The following AGO2 variants were observed in gnomAD, a reference collection of about 807,000 sequenced individuals.
The protein encoded by AGO2 is protein argonaute-2.
AGO2 carries 5 observed loss-of-function variants against 102.3 expected under a neutral mutation model. The observed-to-expected ratio is 0.05, with a 90% CI of 0.03 to 0.10. The LOEUF is 0.10. AGO2 is among the 10% of genes least tolerant of loss of function. The probability of loss-of-function intolerance (pLI) is 1.00; values close to 1 mark genes in which losing one functional copy is unlikely to be tolerated. For synonymous variants in AGO2, 449 were observed against 473.1 expected (o/e 0.95, Z 0.66); for missense variants, 541 against 1,183.7 (o/e 0.46, Z 7.97).
At chr8:140,566,861 G>A (rs1040973922) in intron 3 of AGO2, among the ~76,000 whole-genome samples, 1 of 152,234 alleles carries the variant, frequency 6.6e-6, no homozygotes, top group African/African-American at 2.4e-5. Flanking sequence ...CGCTGAGAAG[G>A]GAGTGCCATT....
At chr8:140,625,156 C>T (rs2074260185) in intron 1 of AGO2, among the ~76,000 whole-genome samples, 1 of 152,234 alleles carries the variant, frequency 6.6e-6, no homozygotes, top group African/African-American at 2.4e-5. Flanking sequence ...TCAGCCTGCA[C>T]CTGGGCCCTG....
At chr8:140,556,073 T>C (rs1166388614) in intron 9 of AGO2, 55 bp from the exon 10 acceptor site, 3 of 1,611,520 alleles carry the variant, frequency 1.9e-6, no homozygotes, top group Non-Finnish European at 1.7e-6. Flanking sequence ...CCCATCTCTC[T>C]AGCAGCTGCG....
intron 3 of AGO2, among the ~76,000 whole-genome samples, chr8:140,571,522 C>T (rs1284190014): frequency 1.3e-5 from 2 of 152,306 alleles, no homozygotes; most frequent in African/African-American, 4.8e-5. Flanking sequence ...GAAGACTGAA[C>T]GTCTGTAGAG....
chr8:140,599,310 G>A (rs1204713353), intron 1 of AGO2, among the ~76,000 whole-genome samples: 8 of 152,252 alleles, frequency 5.3e-5, no homozygotes, highest in African/African-American at 1.7e-4. Flanking sequence ...GATTATCACC[G>A]GCTCGTTTCA....
chr8:140,598,584 G>A (rs1252517795), intron 1 of AGO2, among the ~76,000 whole-genome samples: 2 of 152,268 alleles, frequency 1.3e-5, no homozygotes, highest in Admixed American at 6.5e-5. Flanking sequence ...CCCCGGAGCC[G>A]CAGCTCTTCC....
intron 16 of AGO2, among the ~76,000 whole-genome samples, chr8:140,537,147 T>A (rs2072712651): frequency 6.6e-6 from 1 of 152,142 alleles, no homozygotes; most frequent in African/African-American, 2.4e-5. Context: ...AATTGTATAA[T>A]GATTTAAAAA....
chr8:140,545,507 G>A (rs955762876), intron 13 of AGO2, among the ~76,000 whole-genome samples: 2 of 152,126 alleles, frequency 1.3e-5, no homozygotes, highest in Non-Finnish European at 2.9e-5. Flanking sequence ...TGTCTGCTAA[G>A]GATTCCTGGA....
At chr8:140,551,174 A>T in intron 11 of AGO2, 129 bp downstream of exon 11, 1 of 1,137,646 alleles carries the variant, frequency 8.8e-7, no homozygotes, top group Non-Finnish European at 1.2e-6. Flanking sequence ...AGGCTGATGA[A>T]CCCTGACATC....
chr8:140,527,097 G>A lies in AGO2; in HGVS notation c.*4947C>T, dbSNP rs1416555034. On this transcript the variant is annotated 3_prime_UTR_variant, in exon 19 of 19. Transcript: ENST00000220592. This position sits in a 1 kb window ranked among gnomAD's most constrained non-coding sequence, Gnocchi z 6.0. ...CATGCTTTGGAGAGCCACGGTAAGC[G>A]ACGAGGAATCAAACAGACCACAACA... 4 of 152,180 alleles carry A rather than the reference G, an allele frequency of 2.6e-5. No homozygotes were observed. The highest frequency in any genetic ancestry group is 3.9e-4 in the East Asian group (2 of 5,182). 9.4% of individuals were successfully genotyped at this position (152,180 alleles called of 1,614,324 possible). A position where few individuals can be genotyped will look rare whatever the true frequency, so the allele number is the denominator to read the frequency against.
Position 140,541,230 on chromosome 8 carries a change from G to A in AGO2, c.1968C>T (p.Ser656=), listed in dbSNP as rs1319090018. 6.2e-7 allele frequency: 1 copy of A among 1,609,380 alleles called. No individual in the cohort carries two copies. Reference sequence around the variant, plus strand: ...TGATGCGGGTGGGCTTGAAGCGCGTGGACTTGTAGAACTGGATGAGGAGCT... The same window carrying A: ...TGATGCGGGTGGGCTTGAAGCGCGTAGACTTGTAGAACTGGATGAGGAGCT... ...VRELLIQFYK[S]TRFKPTRIIF... Residue 656 remains serine, a synonymous_variant, in exon 15 of 19, where the codon TCC becomes TCT. Coordinates refer to ENST00000220592, the MANE Select transcript of AGO2 (RefSeq NM_012154.5).
At chr8:140,543,909 C>T (rs2072845693) in intron 14 of AGO2, among the ~76,000 whole-genome samples, 1 of 152,208 alleles carries the variant, frequency 6.6e-6, no homozygotes, top group South Asian at 2.1e-4. Context: ...TCATCACACC[C>T]TAGGCTACCA....
chr8:140,628,579 A>G (rs1410943435), intron 1 of AGO2, among the ~76,000 whole-genome samples: 2 of 148,424 alleles, frequency 1.3e-5, no homozygotes, highest in Non-Finnish European at 3.0e-5. Context: ...CCAAGGCAGG[A>G]GGATTACTTG....
chr8:140,635,177 C>A (rs1194295403), intron 1 of AGO2, among the ~76,000 whole-genome samples: 1 of 146,282 alleles, frequency 6.8e-6, no homozygotes, highest in South Asian at 2.1e-4. Context: ...GCGGGGGATG[C>A]GAGGACGCTG....
chr8:140,534,372 A>T lies in AGO2; in HGVS notation c.2271+1096T>A, dbSNP rs572656821. On this transcript the variant is annotated intron_variant, in intron 17 of 18. Coordinates refer to ENST00000220592, the MANE Select transcript of AGO2 (RefSeq NM_012154.5). Reference sequence around the variant, plus strand: ...GGTGAGGCTCCCCGACTAGAAGGGAAGACTGAACAGAGGGCACACGCAGGC... The same window carrying T: ...GGTGAGGCTCCCCGACTAGAAGGGATGACTGAACAGAGGGCACACGCAGGC... Among the ~76,000 whole-genome samples the T allele has an allele frequency of 3.9e-5, 6 of 152,342 alleles. 1 individual carries two copies. The South Asian group carries it at 6.2e-4, about 16-fold the overall frequency.
At position 140,628,790 on chromosome 8, in the gene AGO2, CAAT is replaced by C. The variant is rs763416400; in HGVS notation, c.22+6692_22+6694del. Among the ~76,000 whole-genome samples, 7 of 149,222 alleles carry C rather than the reference CAAT, an allele frequency of 4.7e-5. No homozygotes were observed. In the East Asian group the frequency reaches 8.1e-4, roughly 17 times the overall value. Reference sequence around the variant, plus strand: ...AAAATAATAATAGCAGCAACAACAACAATAATAATAATAGGCCGGGCGCGGTGG... The same window carrying C: ...AAAATAATAATAGCAGCAACAACAACAATAATAATAGGCCGGGCGCGGTGG... On this transcript the variant is annotated intron_variant, in intron 1 of 18. Transcript: ENST00000220592.
At chr8:140,533,160 C>T (rs368255051) in intron 17 of AGO2, among the ~76,000 whole-genome samples, 26 of 152,008 alleles carry the variant, frequency 1.7e-4, no homozygotes, top group Middle Eastern at 3.4e-3. Flanking sequence ...GAGGCCGAGG[C>T]GGGCAGATCA....
chr8:140,581,576 A>AC (rs2073557884), intron 2 of AGO2, among the ~76,000 whole-genome samples: 1 of 152,080 alleles, frequency 6.6e-6, no homozygotes, highest in Admixed American at 6.5e-5. Flanking sequence ...TTCTAGGAGT[A>AC]CCCCCTAAAT....
intron 1 of AGO2, among the ~76,000 whole-genome samples, chr8:140,605,583 G>C (rs531985090): frequency 3.0e-4 from 45 of 152,314 alleles, no homozygotes; most frequent in African/African-American, 1.1e-3. Context: ...GTCTTCTAGG[G>C]GAGGGTCTGC....
At chr8:140,614,009 C>T (rs562128435) in intron 1 of AGO2, among the ~76,000 whole-genome samples, 1 of 116,714 alleles carries the variant, frequency 8.6e-6, no homozygotes, top group Non-Finnish European at 1.7e-5. Flanking sequence ...GAGCAAGACC[C>T]TGTCTCAAAA....
Sources: allele counts gnomAD v4.1 joint callset (sites outside exome capture counted in the v4.1 genomes callset), GRCh38; gene constraint gnomAD v4.1.1; non-coding constraint Gnocchi (gnomAD v3.1); transcripts MANE v1.5; gene names NCBI Gene and HGNC (gene_info 2026-07-23, HGNC 2026-07-21).